SPIN1: variants seen among roughly 807,000 people sequenced by gnomAD.
The protein encoded by SPIN1 is spindlin 1.
In SPIN1, 3 loss-of-function variants were observed where a neutral mutation model predicts 26.0. That is an observed-to-expected ratio of 0.12 (90% confidence interval 0.05 to 0.30). SPIN1 has a LOEUF of 0.30. Ranked by LOEUF, SPIN1 falls within the 10% of genes least tolerant of loss-of-function variation. The pLI, the probability that SPIN1 is intolerant of heterozygous loss-of-function variation, is 1.00. For synonymous variants in SPIN1, 101 were observed against 116.5 expected (o/e 0.87, Z 0.86); for missense variants, 126 against 333.4 (o/e 0.38, Z 4.84).
intron 2 of SPIN1, among the ~76,000 whole-genome samples, chr9:88,428,429 A>G (rs1220235583): frequency 6.6e-6 from 1 of 152,190 alleles, no homozygotes; most frequent in Non-Finnish European, 1.5e-5. Flanking sequence ...AGAATATGCA[A>G]TATTTGGTTT....
At chr9:88,410,060 A>G (rs1456410034) in intron 1 of SPIN1, among the ~76,000 whole-genome samples, 1 of 152,020 alleles carries the variant, frequency 6.6e-6, no homozygotes, top group African/African-American at 2.4e-5. Context: ...AATTGCTCTC[A>G]GGGACCAAAG....
At chr9:88,432,771 G>C (rs952230085) in intron 2 of SPIN1, among the ~76,000 whole-genome samples, 1 of 152,122 alleles carries the variant, frequency 6.6e-6, no homozygotes, top group African/African-American at 2.4e-5. Flanking sequence ...GCAGGCATGA[G>C]CCACTGCGCC....
At chr9:88,439,613 C>T (rs1587799665) in intron 2 of SPIN1, among the ~76,000 whole-genome samples, 1 of 152,280 alleles carries the variant, frequency 6.6e-6, no homozygotes, top group Middle Eastern at 3.4e-3. Flanking sequence ...TAATCTGTCT[C>T]TTCCTATAGT....
chr9:88,474,961 G>A, intron 5 of SPIN1, 117 bp from the exon 6 acceptor site: 1 of 971,482 alleles, frequency 1.0e-6, no homozygotes, highest in Admixed American at 3.3e-5. Flanking sequence ...ATGAATTCAG[G>A]CTATTAAAAT....
intron 1 of SPIN1, among the ~76,000 whole-genome samples, chr9:88,393,500 G>C (rs1194826181): frequency 7.7e-6 from 1 of 129,134 alleles, no homozygotes; most frequent in Non-Finnish European, 1.5e-5. Context: ...CTGTCACCAG[G>C]CTGGAGTGCA....
At chr9:88,398,603 T>A (rs1827119307) in intron 1 of SPIN1, among the ~76,000 whole-genome samples, 1 of 152,108 alleles carries the variant, frequency 6.6e-6, no homozygotes, top group Non-Finnish European at 1.5e-5. Flanking sequence ...GAGACAGAGT[T>A]TCGCTCTTGT....
chr9:88,456,191 A>C (rs1311725473), intron 3 of SPIN1, among the ~76,000 whole-genome samples: 1 of 152,216 alleles, frequency 6.6e-6, no homozygotes, highest in African/African-American at 2.4e-5. Flanking sequence ...ATCACTAGAA[A>C]GGTTTTATTC....
chr9:88,437,716 G>C (rs889160755), intron 2 of SPIN1, among the ~76,000 whole-genome samples: 1 of 152,100 alleles, frequency 6.6e-6, no homozygotes, highest in East Asian at 1.9e-4. Flanking sequence ...CTAGCTTTTG[G>C]TTTCATTGAT....
chr9:88,436,787 C>T (rs1453329355), intron 2 of SPIN1, among the ~76,000 whole-genome samples: 6 of 101,132 alleles, frequency 5.9e-5, no homozygotes, highest in Admixed American at 1.5e-4. Flanking sequence ...TTTTTTGAGA[C>T]GGAGTCTCGC....
intron 1 of SPIN1, chr9:88,411,349 C>G: frequency 2.0e-6 from 3 of 1,523,416 alleles, no homozygotes; most frequent in Non-Finnish European, 2.7e-6. Flanking sequence ...CCGTGAGTGT[C>G]CCCCATTGCT....
chr9:88,437,971 G>A (rs1394501779), intron 2 of SPIN1, among the ~76,000 whole-genome samples: 2 of 152,090 alleles, frequency 1.3e-5, no homozygotes, highest in East Asian at 3.9e-4. Context: ...GGCCAACATG[G>A]TGAAACTTTG....
At chr9:88,468,807 C>T (rs780049669) in intron 5 of SPIN1, among the ~76,000 whole-genome samples, 17 of 152,108 alleles carry the variant, frequency 1.1e-4, no homozygotes, top group Non-Finnish European at 1.8e-4. Context: ...GTCAGTTCTG[C>T]TTGGCTTCTG....
intron 1 of SPIN1, among the ~76,000 whole-genome samples, chr9:88,398,612 G>A (rs983927654): frequency 1.3e-5 from 2 of 152,124 alleles, no homozygotes; most frequent in African/African-American, 4.8e-5. Flanking sequence ...TTTCGCTCTT[G>A]TTGCCCAGGC....
intron 2 of SPIN1, among the ~76,000 whole-genome samples, chr9:88,429,446 C>T (rs1255075268): frequency 6.6e-6 from 1 of 152,196 alleles, no homozygotes; most frequent in African/African-American, 2.4e-5. Context: ...GGAGTTTCCA[C>T]AGCCCTGTCC....
chr9:88,410,487 C>G, intron 1 of SPIN1: 1 of 741,770 alleles, frequency 1.3e-6, no homozygotes, highest in Non-Finnish European at 2.4e-6. Flanking sequence ...GCTTCTCTGT[C>G]ACTTCTCTGG....
intron 1 of SPIN1, among the ~76,000 whole-genome samples, chr9:88,422,812 C>T (rs1320101269): frequency 2.6e-5 from 4 of 151,756 alleles, no homozygotes; most frequent in Non-Finnish European, 5.9e-5. Context: ...CGGGTTCAGG[C>T]GATTCTCCTG....
chr9:88,437,136 A>C (rs12350324), intron 2 of SPIN1, among the ~76,000 whole-genome samples: 50,769 of 151,894 alleles, frequency 0.33, 16,082 homozygotes, highest in African/African-American at 0.84. Context: ...TTGGATGCAC[A>C]AGTTTATTTA....
At chr9:88,458,575 G>A (rs572784425) in intron 3 of SPIN1, among the ~76,000 whole-genome samples, 1 of 152,248 alleles carries the variant, frequency 6.6e-6, no homozygotes, top group African/African-American at 2.4e-5. Context: ...AACAGGTGTG[G>A]GAGGGAGCAG....
Position 88,478,287 on chromosome 9 carries a change from T to C in SPIN1, c.*3010T>C, listed in dbSNP as rs528632994. ...AGAAGACTGTTCCGATTGTTACAAA[T>C]TGTAGTGCCTGAAAACACTCTTAAG... On this transcript the variant is annotated 3_prime_UTR_variant, in exon 6 of 6. Coordinates refer to ENST00000375859, the MANE Select transcript of SPIN1 (RefSeq NM_006717.3). 1 of 152,784 alleles carries C rather than the reference T, an allele frequency of 6.5e-6. No individual in the cohort carries two copies. Among genetic ancestry groups the C allele is most frequent in the South Asian group, 2.1e-4 (1 of 4,824 alleles). The allele number at this position is 152,784 out of a possible 1,614,324, so 9.5% of individuals were successfully genotyped here.
Sources: allele counts gnomAD v4.1 joint callset (sites outside exome capture counted in the v4.1 genomes callset), GRCh38; gene constraint gnomAD v4.1.1; transcripts MANE v1.5; gene names NCBI Gene and HGNC (gene_info 2026-07-23, HGNC 2026-07-21).